The following PRR33 variants were observed in gnomAD, a reference collection of about 807,000 sequenced individuals.
The protein encoded by PRR33 is proline-rich protein 33.
Under a neutral mutation model 0.5 loss-of-function variants are expected in PRR33, and 1 was observed. That is an observed-to-expected ratio of 2.18 (90% confidence interval 0.77 to 10.34). PRR33 has a LOEUF of 10.34. Ranked by LOEUF, PRR33 falls within the 30% of genes most tolerant of loss-of-function variation. The pLI, the probability that PRR33 is intolerant of heterozygous loss-of-function variation, is 0.13. For missense variants in PRR33, 552 were observed against 251.8 expected, an observed-to-expected ratio of 2.19 and a Z score of -8.07; for synonymous variants, 226 against 110.0, an observed-to-expected ratio of 2.06 and a Z score of -6.60.
chr11:1,897,745 C>A, the PRR33 span, among the ~76,000 whole-genome samples: 1 of 152,186 alleles, frequency 6.6e-6, no homozygotes, highest in East Asian at 1.9e-4. This position sits in a 1 kb window ranked among gnomAD's most constrained non-coding sequence, Gnocchi z 4.0. Context: ...GTTACGACAT[C>A]CTCATGGCCT....
At chr11:1,902,231 C>CA in the PRR33 span, among the ~76,000 whole-genome samples, 47,715 of 126,630 alleles carry the variant, frequency 0.38, 8,417 homozygotes, top group African/African-American at 0.47. Flanking sequence ...GACTCTATCT[C>CA]AAAAAAAAAA....
At chr11:1,911,298 T>C in the PRR33 span, among the ~76,000 whole-genome samples, 2 of 151,998 alleles carry the variant, frequency 1.3e-5, no homozygotes, top group Admixed American at 1.3e-4. Flanking sequence ...ACAGATTAGC[T>C]GGGTGTGGTG....
exon 1 of PRR33, chr11:1,890,849 G>T (rs1848969856): frequency 3.9e-6 from 2 of 518,784 alleles, no homozygotes; most frequent in Admixed American, 3.2e-5. Context: ...GCTAGAACCT[G>T]CCTCCAGGGC....
chr11:1,907,133 TTTGG>T, the PRR33 span, among the ~76,000 whole-genome samples: 1 of 152,186 alleles, frequency 6.6e-6, no homozygotes, highest in Non-Finnish European at 1.5e-5. Context: ...TGTGTTGCTG[TTTGG>T]TTGTTTCATT....
upstream of PRR33, among the ~76,000 whole-genome samples, chr11:1,894,471 A>G (rs551027174): frequency 6.6e-6 from 1 of 152,090 alleles, no homozygotes; most frequent in Non-Finnish European, 1.5e-5. Flanking sequence ...CTTGGGCTCA[A>G]GCGACCCCCC....
upstream of PRR33, among the ~76,000 whole-genome samples, chr11:1,896,284 C>A (rs929143916): frequency 3.9e-5 from 6 of 152,180 alleles, no homozygotes; most frequent in East Asian, 1.9e-4. Context: ...AATCCACGAA[C>A]CTTGGATGTC....
In PRR33 at chr11:1,889,166, C is replaced by T. The variant is rs560079678; in HGVS notation, c.1419G>A (p.Ala473=). 4.9e-5 allele frequency: 33 copies of T among 671,310 alleles called. No homozygotes were observed. In the East Asian group the frequency reaches 5.0e-4, roughly 10 times the overall value. 41.6% of individuals were successfully genotyped at this position (671,310 alleles called of 1,614,324 possible). A position where few individuals can be genotyped will look rare whatever the true frequency, so the allele number is the denominator to read the frequency against. Residue 473 remains alanine, a synonymous_variant, in exon 1 of 1, where the codon GCG becomes GCA. Transcript: ENST00000640310. Reference sequence around the variant, plus strand: ...CACTTCACTGGAGCCTCCAGCCAGTCGCTGTGCGGTTGAAGTTCTTGGGCT... The same window carrying T: ...CACTTCACTGGAGCCTCCAGCCAGTTGCTGTGCGGTTGAAGTTCTTGGGCT...
chr11:1,911,484 C>T, the PRR33 span, among the ~76,000 whole-genome samples: 1 of 152,112 alleles, frequency 6.6e-6, no homozygotes. Context: ...GTGGCACGAT[C>T]TCAGCTCACT....
chr11:1,903,205 C>T, the PRR33 span: 1 of 152,148 alleles, frequency 6.6e-6, no homozygotes, highest in South Asian at 2.1e-4. Flanking sequence ...TCACACGCCT[C>T]AGACACAGCC....
chr11:1,889,476 G>GCGGGCACC, the PRR33 span: 6 of 628,542 alleles, frequency 9.5e-6, no homozygotes, highest in East Asian at 2.8e-5. Context: ...CTCTGTGGGG[G>GCGGGCACC]TGGGCACCTC....
chr11:1,893,238 G>A (rs557461513), upstream of PRR33, among the ~76,000 whole-genome samples: 6 of 144,122 alleles, frequency 4.2e-5, no homozygotes, highest in East Asian at 1.2e-3. Flanking sequence ...GAATGGATGG[G>A]TAGGTGGGTG....
At chr11:1,897,187 A>G in the PRR33 span, among the ~76,000 whole-genome samples, 2 of 152,226 alleles carry the variant, frequency 1.3e-5, no homozygotes, top group East Asian at 3.8e-4. The surrounding 1 kb of genome is among the most constrained non-coding windows in gnomAD (Gnocchi z 4.0). Context: ...TTACGTCTCC[A>G]GTGAGGTTTC....
the PRR33 span, among the ~76,000 whole-genome samples, chr11:1,911,427 G>A: frequency 2.6e-5 from 4 of 152,120 alleles, no homozygotes; most frequent in Non-Finnish European, 5.9e-5. Context: ...GGGTGACAGA[G>A]TGAGACTCTG....
upstream of PRR33, among the ~76,000 whole-genome samples, chr11:1,894,224 A>AGTGTGTGTGTGT (rs71025790): frequency 5.8e-4 from 74 of 127,732 alleles, no homozygotes; most frequent in Admixed American, 2.4e-3. Context: ...GGAGTGTGGG[A>AGTGTGTGTGTGT]GTGTGTGTGT....
chr11:1,905,881 C>A, the PRR33 span, among the ~76,000 whole-genome samples: 1 of 151,736 alleles, frequency 6.6e-6, no homozygotes, highest in Non-Finnish European at 1.5e-5. Context: ...TGTATTGGTG[C>A]AATCACAGCT....
At chr11:1,894,583 A>C (rs752397150), upstream of PRR33, among the ~76,000 whole-genome samples, 4 of 152,120 alleles carry the variant, frequency 2.6e-5, no homozygotes, top group Non-Finnish European at 5.9e-5. Flanking sequence ...TGCAGCACGC[A>C]CGCACTCCTT....
the PRR33 span, among the ~76,000 whole-genome samples, chr11:1,898,425 T>G: frequency 6.6e-6 from 1 of 151,944 alleles, no homozygotes; most frequent in African/African-American, 2.4e-5. Context: ...TTAGTAGAGA[T>G]AGGGTTTTGC....
At chr11:1,896,331 AT>A (rs1178136053), upstream of PRR33, among the ~76,000 whole-genome samples, 1 of 152,082 alleles carries the variant, frequency 6.6e-6, no homozygotes, top group Non-Finnish European at 1.5e-5. Context: ...TCTTCCAAGG[AT>A]TTTTTACTCT....
the PRR33 span, among the ~76,000 whole-genome samples, chr11:1,902,878 GC>G: frequency 6.6e-6 from 1 of 152,066 alleles, no homozygotes; most frequent in Admixed American, 6.5e-5. Flanking sequence ...GATTACTCAT[GC>G]CCCCCACCCC....
Sources: allele counts gnomAD v4.1 joint callset (sites outside exome capture counted in the v4.1 genomes callset), GRCh38; gene constraint gnomAD v4.1.1; non-coding constraint Gnocchi (gnomAD v3.1); transcripts MANE v1.5; gene names NCBI Gene and HGNC (gene_info 2026-07-23, HGNC 2026-07-21).